IL1RAPL2: variants seen among roughly 807,000 people sequenced by gnomAD.
IL1RAPL2 encodes the protein X-linked interleukin-1 receptor accessory protein-like 2.
In IL1RAPL2, 3 loss-of-function variants were observed where a neutral mutation model predicts 44.1. The observed-to-expected ratio is 0.07, with a 90% CI of 0.03 to 0.18. IL1RAPL2 has a LOEUF of 0.18. Ranked by LOEUF, IL1RAPL2 falls within the 10% of genes least tolerant of loss-of-function variation. The probability of loss-of-function intolerance (pLI) is 1.00; values close to 1 mark genes in which losing one functional copy is unlikely to be tolerated. For synonymous variants in IL1RAPL2, 181 were observed against 178.8 expected (o/e 1.01, Z -0.10); for missense variants, 391 against 496.4 (o/e 0.79, Z 2.02).
chrX:105,059,567 G>T (rs1210533109), intron 2 of IL1RAPL2, among the ~76,000 whole-genome samples: 2 of 111,122 alleles, frequency 1.8e-5, no homozygotes, highest in African/African-American at 3.3e-5. Context: ...GTCTCACTGT[G>T]TTGCCCATGC....
chrX:105,326,095 C>T (rs1000066718), intron 5 of IL1RAPL2, among the ~76,000 whole-genome samples: 1 of 111,423 alleles, frequency 9.0e-6, no homozygotes, highest in Admixed American at 9.6e-5. Context: ...CTCTGTTGCC[C>T]AGGCTGGAGT....
chrX:104,748,639 C>G (rs1025248781), intron 2 of IL1RAPL2, among the ~76,000 whole-genome samples: 6 of 111,244 alleles, frequency 5.4e-5, no homozygotes, highest in African/African-American at 1.3e-4. Context: ...ATATGGGGAA[C>G]AACAATGGCC....
At chrX:104,611,730 G>A (rs1169814933) in intron 1 of IL1RAPL2, among the ~76,000 whole-genome samples, 3 of 107,225 alleles carry the variant, frequency 2.8e-5, no homozygotes, top group Non-Finnish European at 5.8e-5. Flanking sequence ...CCAGCTAATC[G>A]GGAGGCTGAG....
At chrX:104,942,765 C>G (rs2147703716) in intron 2 of IL1RAPL2, among the ~76,000 whole-genome samples, 1 of 111,512 alleles carries the variant, frequency 9.0e-6, no homozygotes, top group African/African-American at 3.3e-5. Flanking sequence ...GCATCCCTGT[C>G]TTGTGGCAGT....
intron 2 of IL1RAPL2, among the ~76,000 whole-genome samples, chrX:104,779,274 C>T (rs780821623): frequency 8.9e-6 from 1 of 112,385 alleles, no homozygotes; most frequent in South Asian, 3.7e-4. Context: ...CTTCTAGGAA[C>T]CATCTGATGG....
At chrX:105,662,185 A>G (rs768549222) in intron 6 of IL1RAPL2, among the ~76,000 whole-genome samples, 34 of 112,251 alleles carry the variant, frequency 3.0e-4, no homozygotes, top group South Asian at 2.2e-3. Context: ...CAGAATTTTC[A>G]CTGCTCTCAT....
chrX:105,187,019 G>C (rs1317761289), intron 2 of IL1RAPL2, among the ~76,000 whole-genome samples: 1 of 111,521 alleles, frequency 9.0e-6, no homozygotes, highest in Non-Finnish European at 1.9e-5. Context: ...ACAGTTTTGA[G>C]TACACACTCT....
At chrX:105,003,718 T>C (rs772940715) in intron 2 of IL1RAPL2, among the ~76,000 whole-genome samples, 5 of 110,229 alleles carry the variant, frequency 4.5e-5, no homozygotes, top group African/African-American at 1.3e-4. Flanking sequence ...TGCAACTCTG[T>C]TTTAGTCATC....
intron 8 of IL1RAPL2, 140 bp from the exon 9 acceptor site, chrX:105,748,820 A>C (rs2038572047): frequency 6.2e-6 from 3 of 480,465 alleles, no homozygotes; most frequent in South Asian, 1.2e-4. Flanking sequence ...CAAATGTATC[A>C]AGAGCAAAGC....
chrX:104,686,305 G>T (rs1416178885), intron 2 of IL1RAPL2, among the ~76,000 whole-genome samples: 1 of 112,088 alleles, frequency 8.9e-6, no homozygotes, highest in Admixed American at 9.5e-5. Flanking sequence ...TTTATGAAAG[G>T]CTATTTACAC....
chrX:105,583,399 G>A (rs2037103605), intron 6 of IL1RAPL2, among the ~76,000 whole-genome samples: 1 of 111,587 alleles, frequency 9.0e-6, no homozygotes, highest in South Asian at 3.8e-4. Flanking sequence ...CTCCCAAAGT[G>A]CTAAGATTAC....
chrX:105,712,947 C>A (rs764083866), intron 6 of IL1RAPL2, among the ~76,000 whole-genome samples: 94 of 112,117 alleles, frequency 8.4e-4, no homozygotes, highest in Non-Finnish European at 1.5e-3. Flanking sequence ...AGTCTGAAAC[C>A]TGGCCAGGCC....
Position 105,704,748 on chromosome X carries a change from A to G in IL1RAPL2, c.773-12619A>G, listed in dbSNP as rs757574823. 3.4e-4 allele frequency among the ~76,000 whole-genome samples: 38 copies of G among 110,972 alleles called. 1 individual carries two copies. The East Asian group carries it at 0.011, about 32-fold the overall frequency. ...CACCTAGGTATTAAGCCCAGCATGC[A>G]TTAGCTATTTTTCCTAATGTTCTCC... On this transcript the variant is annotated intron_variant, in intron 6 of 10. Coordinates refer to ENST00000372582, the MANE Select transcript of IL1RAPL2 (RefSeq NM_017416.2).
chrX:104,706,129 C>T (rs1369602083), intron 2 of IL1RAPL2, among the ~76,000 whole-genome samples: 1 of 110,737 alleles, frequency 9.0e-6, no homozygotes, highest in African/African-American at 3.3e-5. Context: ...GTTGCAGAGC[C>T]CTAGATTTTT....
chrX:105,319,796 C>T (rs1178483938), intron 5 of IL1RAPL2, among the ~76,000 whole-genome samples: 1 of 112,031 alleles, frequency 8.9e-6, no homozygotes, highest in Non-Finnish European at 1.9e-5. Flanking sequence ...TGTGCACACT[C>T]ATACACCCAC....
intron 1 of IL1RAPL2, among the ~76,000 whole-genome samples, chrX:104,653,806 C>T (rs1355045669): frequency 1.8e-5 from 2 of 111,168 alleles, no homozygotes; most frequent in African/African-American, 3.3e-5. Flanking sequence ...GAATACTGGA[C>T]CTTTACATGT....
chrX:105,281,853 C>A (rs1338682000), intron 5 of IL1RAPL2, among the ~76,000 whole-genome samples: 1 of 111,157 alleles, frequency 9.0e-6, no homozygotes, highest in Non-Finnish European at 1.9e-5. Flanking sequence ...GTATTATTAT[C>A]ATCATCATTA....
At chrX:105,076,181 G>C in intron 2 of IL1RAPL2, among the ~76,000 whole-genome samples, 1 of 111,065 alleles carries the variant, frequency 9.0e-6, no homozygotes, top group East Asian at 2.8e-4. Flanking sequence ...TGGGCATTTA[G>C]TGCTATAAAT....
chrX:105,492,753 C>T (rs2036329832), intron 6 of IL1RAPL2, among the ~76,000 whole-genome samples: 1 of 110,375 alleles, frequency 9.1e-6, no homozygotes, highest in African/African-American at 3.3e-5. Context: ...CTACTTGCCT[C>T]ATTTTAACAG....
Sources: gnomAD v4.1 joint callset for allele counts (sites outside exome capture counted in the v4.1 genomes callset) on GRCh38, gnomAD v4.1.1 for gene constraint, MANE v1.5 for transcripts, NCBI Gene and HGNC (gene_info 2026-07-23, HGNC 2026-07-21) for gene names.